Variants in REV1 observed in about 807,000 individuals in gnomAD.
REV1 encodes the protein translesion synthesis protein REV1.
In REV1, 42 loss-of-function variants were observed where a neutral mutation model predicts 137.4. The observed-to-expected ratio is 0.31, with a 90% confidence interval of 0.24 to 0.40. The LOEUF is 0.40. REV1 is among the 10% of genes least tolerant of loss of function. REV1 has a pLI of 1.00. For missense variants in REV1, 1,282 were observed against 1,490.1 expected, an observed-to-expected ratio of 0.86 and a Z score of 2.30; for synonymous variants, 524 against 519.2, an observed-to-expected ratio of 1.01 and a Z score of -0.12.
chr2:99,439,239 T>C lies in REV1; in HGVS notation c.575A>G (p.Glu192Gly). ...KVNGMNSWNE[E>G]DENNDFSFVD... ...AAAACTAAAATCATTATTTTCATCT[T>C]CTTCATTCCAACTGTTCATGCCATT... Residue 192 changes from glutamate to glycine, a missense_variant, in exon 6 of 23, where the codon GAA (glutamate) becomes GGA (glycine). Physicochemically the swap from Glu to Gly is moderately conservative, Grantham distance 98. Coordinates refer to ENST00000258428, the MANE Select transcript of REV1 (RefSeq NM_016316.4). 1 of 1,614,200 alleles carries C rather than the reference T, an allele frequency of 6.2e-7. No homozygotes were observed. Among genetic ancestry groups the C allele is most frequent in the Non-Finnish European group, 8.5e-7 (1 of 1,180,014 alleles).
intron 9 of REV1, among the ~76,000 whole-genome samples, chr2:99,425,462 G>A (rs1679215592): frequency 6.6e-6 from 1 of 152,148 alleles, no homozygotes; most frequent in Admixed American, 6.5e-5. Flanking sequence ...GGTATAGGAT[G>A]GCAAATAAAG....
intron 3 of REV1, among the ~76,000 whole-genome samples, chr2:99,461,928 G>A (rs1460972056): frequency 5.3e-5 from 8 of 152,078 alleles, no homozygotes; most frequent in East Asian, 1.9e-4. Context: ...TCCAGATACC[G>A]GACTCAATGA....
chr2:99,416,110 G>T (rs528626449), intron 12 of REV1, among the ~76,000 whole-genome samples: 1 of 152,206 alleles, frequency 6.6e-6, no homozygotes, highest in South Asian at 2.1e-4. Flanking sequence ...TGGGTACAAG[G>T]GACTAAAGAG....
chr2:99,440,511 C>T (rs1276999517), intron 5 of REV1, among the ~76,000 whole-genome samples: 2 of 152,138 alleles, frequency 1.3e-5, no homozygotes, highest in Non-Finnish European at 2.9e-5. Context: ...CAGGCTCTGG[C>T]TAAACATCAT....
chr2:99,470,679 T>G (rs1448896789), intron 1 of REV1, among the ~76,000 whole-genome samples: 1 of 152,226 alleles, frequency 6.6e-6, no homozygotes, highest in Non-Finnish European at 1.5e-5. Context: ...TCCTCTGCCT[T>G]TGCCTCTTTT....
chr2:99,439,995 G>A (rs1274880180), intron 5 of REV1, among the ~76,000 whole-genome samples: 1 of 152,128 alleles, frequency 6.6e-6, no homozygotes, highest in Non-Finnish European at 1.5e-5. Context: ...TCAATGTGTG[G>A]GGGTAATTCA....
In REV1 at chr2:99,408,126, A is replaced by G; in HGVS notation, c.2351T>C (p.Val784Ala). Residue 784 changes from valine to alanine, a missense_variant, in exon 15 of 23, where the codon GTA becomes GCA. Val to Ala is a moderately conservative substitution (Grantham distance 64). This residue lies in a region of REV1 where 372 missense variants were observed against 482.3 expected (regional missense o/e 0.77). Transcript: ENST00000258428. The part of the protein sequence containing the change: ...HGICDNIART[V>A]TLDQATDNAK... ...ATTATCTGTTGCCTGGTCAAGAGTTACAGTCCTGTAAGTGATAGAATTAAA... is the reference window on the plus strand; with the variant it reads ...ATTATCTGTTGCCTGGTCAAGAGTTGCAGTCCTGTAAGTGATAGAATTAAA... 1 of 1,597,706 alleles carries G rather than the reference A, an allele frequency of 6.3e-7. No homozygotes were observed. Among genetic ancestry groups the G allele is most frequent in the Non-Finnish European group, 8.6e-7 (1 of 1,167,942 alleles).
At chr2:99,446,502 TTTTC>T (rs1197378851) in intron 4 of REV1, among the ~76,000 whole-genome samples, 1 of 152,138 alleles carries the variant, frequency 6.6e-6, no homozygotes, top group East Asian at 1.9e-4. Flanking sequence ...TTTCTTTTCT[TTTTC>T]TTTTTTTTGA....
Position 99,404,492 on chromosome 2 carries a change from C to A in REV1, c.2997G>T (p.Ser999=). The A allele has an allele frequency of 1.9e-6, 3 of 1,614,066 alleles. No homozygotes were observed. The highest frequency in any genetic ancestry group is 2.5e-6 in the Non-Finnish European group (3 of 1,180,022). Residue 999 remains serine (S), a synonymous_variant, in exon 18 of 23, where the codon TCG becomes TCT. Coordinates refer to ENST00000258428, the MANE Select transcript of REV1 (RefSeq NM_016316.4). ...TTAAATTTATTCCTGCGTCACTGTTCGATTCTTGAGGTTCTGGTATTTGCA... is the reference window on the plus strand; with the variant it reads ...TTAAATTTATTCCTGCGTCACTGTTAGATTCTTGAGGTTCTGGTATTTGCA... ...VLLQIPEPQE[S]NSDAGINLIA...
At chr2:99,411,760 CTAT>C (rs1166300364) in intron 13 of REV1, among the ~76,000 whole-genome samples, 2 of 151,782 alleles carry the variant, frequency 1.3e-5, no homozygotes, top group Non-Finnish European at 2.9e-5. Context: ...TCTTTTGTAA[CTAT>C]GTTAATAAGT....
intron 22 of REV1, among the ~76,000 whole-genome samples, chr2:99,401,971 C>T (rs191065995): frequency 3.3e-5 from 5 of 152,230 alleles, no homozygotes; most frequent in Admixed American, 2.6e-4. Context: ...TGGTCTCAAA[C>T]GATCCACCCA....
intron 1 of REV1, among the ~76,000 whole-genome samples, chr2:99,480,222 G>C (rs186907816): frequency 6.6e-6 from 1 of 152,104 alleles, no homozygotes; most frequent in South Asian, 2.1e-4. Flanking sequence ...ACTTGGGAGA[G>C]TGGGATGGGA....
At chr2:99,489,445 C>A (rs1343962885) in intron 1 of REV1, among the ~76,000 whole-genome samples, 2 of 151,076 alleles carry the variant, frequency 1.3e-5, no homozygotes, top group African/African-American at 4.8e-5. Flanking sequence ...AAGGAGTTTG[C>A]GGCGCGGTCT....
intron 4 of REV1, among the ~76,000 whole-genome samples, chr2:99,447,322 G>A (rs373172649): frequency 9.5e-4 from 144 of 151,986 alleles, no homozygotes; most frequent in African/African-American, 3.3e-3. Context: ...ACAGGCGCGC[G>A]CCACCACGCC....
At chr2:99,442,509 G>A (rs1299752543) in intron 4 of REV1, 40 bp from the exon 5 acceptor site, 41 of 1,588,106 alleles carry the variant, frequency 2.6e-5, no homozygotes, top group Non-Finnish European at 2.9e-5. Context: ...TTCCATACTT[G>A]GTGACAATGA....
intron 3 of REV1, among the ~76,000 whole-genome samples, chr2:99,457,447 C>T (rs1010173681): frequency 6.6e-6 from 1 of 152,142 alleles, no homozygotes; most frequent in African/African-American, 2.4e-5. Context: ...TCTGGGAGGC[C>T]GAGGCAGGCA....
chr2:99,476,604 T>C (rs1037743650), intron 1 of REV1, among the ~76,000 whole-genome samples: 3 of 152,102 alleles, frequency 2.0e-5, no homozygotes, highest in African/African-American at 7.2e-5. Context: ...AGTGCTTTTG[T>C]TTACCTGGGG....
chr2:99,428,619 A>G (rs1457048864), intron 9 of REV1, among the ~76,000 whole-genome samples: 1 of 152,206 alleles, frequency 6.6e-6, no homozygotes, highest in Non-Finnish European at 1.5e-5. Context: ...AAAAAAAACT[A>G]TTATGATTAG....
intron 3 of REV1, among the ~76,000 whole-genome samples, chr2:99,453,739 A>G (rs970086984): frequency 1.3e-5 from 2 of 151,808 alleles, no homozygotes; most frequent in African/African-American, 4.8e-5. Context: ...CTAAAAATAC[A>G]AAAATCAGCT....
Sources: gnomAD v4.1 joint callset for allele counts (sites outside exome capture counted in the v4.1 genomes callset) on GRCh38, gnomAD v4.1.1 for gene constraint, gnomAD v4.1.1 regional missense constraint, MANE v1.5 for transcripts, NCBI Gene and HGNC (gene_info 2026-07-23, HGNC 2026-07-21) for gene names.